The following ARHGAP26 variants were observed in gnomAD, a reference collection of about 807,000 sequenced individuals.
ARHGAP26 encodes the protein Rho GTPase activating protein 26.
Under a neutral mutation model 104.8 loss-of-function variants are expected in ARHGAP26, and 38 were observed. That is an observed-to-expected ratio of 0.36 (90% CI 0.28 to 0.48). The LOEUF is 0.48. Ranked by LOEUF, ARHGAP26 falls within the 20% of genes least tolerant of loss-of-function variation. The probability of loss-of-function intolerance (pLI) is 0.99; values close to 1 mark genes in which losing one functional copy is unlikely to be tolerated. For synonymous variants in ARHGAP26, 341 were observed against 340.0 expected (o/e 1.00, Z -0.03); for missense variants, 704 against 947.9 (o/e 0.74, Z 3.38).
chr5:143,109,583 T>A (rs1042525298), intron 17 of ARHGAP26, among the ~76,000 whole-genome samples: 1 of 152,018 alleles, frequency 6.6e-6, no homozygotes, highest in South Asian at 2.1e-4. Flanking sequence ...GCTTCCCGAG[T>A]AGCTGGGACT....
At chr5:142,966,058 A>G (rs1771266463) in intron 11 of ARHGAP26, among the ~76,000 whole-genome samples, 1 of 152,186 alleles carries the variant, frequency 6.6e-6, no homozygotes, top group Admixed American at 6.5e-5. Context: ...GCTTTGTAGC[A>G]TGCAGAATGG....
chr5:143,071,134 C>G (rs536284396), intron 17 of ARHGAP26, among the ~76,000 whole-genome samples: 1 of 151,878 alleles, frequency 6.6e-6, no homozygotes, highest in South Asian at 2.1e-4. Flanking sequence ...ACCAATGGAA[C>G]AGAATAGAGA....
intron 11 of ARHGAP26, among the ~76,000 whole-genome samples, chr5:142,947,745 G>A (rs1003021733): frequency 3.9e-5 from 6 of 152,284 alleles, no homozygotes; most frequent in African/African-American, 1.4e-4. Flanking sequence ...ACTCTGAATG[G>A]AAATCCATGA....
chr5:143,215,129 C>G (rs1810143072), intron 22 of ARHGAP26, among the ~76,000 whole-genome samples: 2 of 152,220 alleles, frequency 1.3e-5, no homozygotes, highest in Admixed American at 1.3e-4. Context: ...ACGGCCCTTG[C>G]AGAAGACAAA....
At chr5:143,162,339 G>A (rs981470626) in intron 20 of ARHGAP26, among the ~76,000 whole-genome samples, 1 of 150,096 alleles carries the variant, frequency 6.7e-6, no homozygotes, top group Admixed American at 6.6e-5. Flanking sequence ...TTTTTCCCTT[G>A]ATCCTTTGCG....
intron 18 of ARHGAP26, among the ~76,000 whole-genome samples, chr5:143,132,915 A>G (rs1219160195): frequency 6.6e-6 from 1 of 152,026 alleles, no homozygotes; most frequent in Non-Finnish European, 1.5e-5. Flanking sequence ...AATTGTGGCT[A>G]CTGAACCTCC....
intron 1 of ARHGAP26, among the ~76,000 whole-genome samples, chr5:142,789,863 A>G (rs903294262): frequency 6.6e-6 from 1 of 152,138 alleles, no homozygotes; most frequent in African/African-American, 2.4e-5. Context: ...TGTATCCAGG[A>G]CCAGGGCACT....
intron 12 of ARHGAP26, among the ~76,000 whole-genome samples, chr5:143,025,043 G>A (rs187352229): frequency 4.1e-4 from 62 of 152,244 alleles, no homozygotes; most frequent in Non-Finnish European, 5.4e-4. Flanking sequence ...GCTCAATGGT[G>A]CCTGGTATTA....
intron 17 of ARHGAP26, among the ~76,000 whole-genome samples, chr5:143,075,212 C>CT (rs1481650090): frequency 6.6e-6 from 1 of 151,978 alleles, no homozygotes; most frequent in African/African-American, 2.4e-5. Flanking sequence ...TTCAATTGCA[C>CT]ATTAAAAATA....
rs144392671 is a variant in ARHGAP26, at chr5:143,060,683, T to C, written c.1538+2936T>C. Among the ~76,000 whole-genome samples the C allele has an allele frequency of 4.9e-3, 749 of 152,076 alleles. 8 individuals are homozygous for C. Among genetic ancestry groups the C allele is most frequent in the Admixed American group, 0.012 (185 of 15,248 alleles). ...GTCTGGAGTCATGTGCCTCAAAGCA[T>C]GGTTAGAATAACCCGGGGCGCTTGT... On this transcript the variant is annotated intron_variant, in intron 17 of 22. Coordinates refer to ENST00000645722, the MANE Select transcript of ARHGAP26 (RefSeq NM_001135608.3).
intron 1 of ARHGAP26, among the ~76,000 whole-genome samples, chr5:142,869,992 C>G (rs1458594170): frequency 6.6e-6 from 1 of 152,208 alleles, no homozygotes; most frequent in East Asian, 1.9e-4. Context: ...AAAGCAGATA[C>G]TTGGCCTCCC....
At chr5:143,002,261 A>C (rs1205986798) in intron 11 of ARHGAP26, among the ~76,000 whole-genome samples, 3 of 152,080 alleles carry the variant, frequency 2.0e-5, no homozygotes, top group Non-Finnish European at 4.4e-5. Flanking sequence ...ATGAGCTCCT[A>C]CTTTGGTGTG....
chr5:143,005,060 A>G (rs1598589716), intron 11 of ARHGAP26, among the ~76,000 whole-genome samples: 2 of 152,292 alleles, frequency 1.3e-5, no homozygotes, highest in African/African-American at 4.8e-5. Flanking sequence ...CCTATAAAGC[A>G]CAAGTAGGCT....
chr5:143,136,694 T>G (rs1246231793), intron 19 of ARHGAP26, among the ~76,000 whole-genome samples: 1 of 152,170 alleles, frequency 6.6e-6, no homozygotes, highest in African/African-American at 2.4e-5. Context: ...ACCTGCTCCC[T>G]CCCAGGTTGT....
intron 1 of ARHGAP26, among the ~76,000 whole-genome samples, chr5:142,785,217 A>G (rs1313180471): frequency 6.6e-6 from 1 of 152,050 alleles, no homozygotes; most frequent in Admixed American, 6.5e-5. Flanking sequence ...TAGGATTTTT[A>G]ACTCATGTCT....
chr5:143,182,535 G>T (rs192525629), intron 20 of ARHGAP26, among the ~76,000 whole-genome samples: 296 of 152,158 alleles, frequency 1.9e-3, no homozygotes, highest in Non-Finnish European at 2.8e-3. Flanking sequence ...ATCCGTTTTA[G>T]TTTAAAAAAA....
intron 6 of ARHGAP26, among the ~76,000 whole-genome samples, chr5:142,898,452 T>C (rs1420954775): frequency 6.6e-6 from 1 of 152,188 alleles, no homozygotes; most frequent in African/African-American, 2.4e-5. Flanking sequence ...CTCCGAGTTT[T>C]CCATCCTGAA....
intron 11 of ARHGAP26, among the ~76,000 whole-genome samples, chr5:143,006,772 A>G (rs955507511): frequency 4.6e-5 from 7 of 152,306 alleles, no homozygotes; most frequent in African/African-American, 1.7e-4. Flanking sequence ...ACTCCAGGCT[A>G]TTCATGCTTC....
At chr5:142,970,589 C>G (rs1212980634) in intron 11 of ARHGAP26, among the ~76,000 whole-genome samples, 2 of 152,168 alleles carry the variant, frequency 1.3e-5, no homozygotes, top group Non-Finnish European at 2.9e-5. Context: ...GGTCACATGC[C>G]CATTCCTAAG....
Sources: allele counts gnomAD v4.1 joint callset (sites outside exome capture counted in the v4.1 genomes callset), GRCh38; gene constraint gnomAD v4.1.1; transcripts MANE v1.5; gene names NCBI Gene and HGNC (gene_info 2026-07-23, HGNC 2026-07-21).